The following KRT85 variants were observed in gnomAD, a reference collection of about 807,000 sequenced individuals.
KRT85 encodes the protein keratin 85.
KRT85 carries 39 observed loss-of-function variants against 53.7 expected under a neutral mutation model. The ratio of observed to expected loss-of-function variants is 0.73; its 90% CI spans 0.56 to 0.95. The LOEUF (loss-of-function observed/expected upper bound fraction) is 0.95. Ranked by LOEUF, KRT85 falls within the 40% of genes least tolerant of loss-of-function variation. The pLI is 0.00. For synonymous variants in KRT85, 291 were observed against 277.5 expected, an observed-to-expected ratio of 1.05 and a Z score of -0.48; for missense variants, 668 against 686.0, an observed-to-expected ratio of 0.97 and a Z score of 0.29.
Position 52,367,300 on chromosome 12 carries a change from C to T in KRT85, c.106G>A (p.Ala36Thr), listed in dbSNP as rs1206595039. 6.2e-7 allele frequency: 1 copy of T among 1,613,494 alleles called. No homozygotes were observed. Among genetic ancestry groups the T allele is most frequent in the Admixed American group, 1.7e-5 (1 of 59,994 alleles). The part of the protein sequence containing the change: ...PKTGNRCCIS[A>T]APYRGVSCYR... The stretch of plus-strand genomic sequence containing the variant: ...CAGGACACCCCTCGGTAGGGGGCGG[C>T]GCTGATGCAGCAGCGGTTGCCAGTT... Residue 36 changes from alanine (A) to threonine (T), a missense_variant, in exon 1 of 9, where the codon GCC (alanine) becomes ACC (threonine). Transcript: ENST00000257901.
chr12:52,361,145 A>C, intron 8 of KRT85, 99 bp from the exon 9 acceptor site: 1 of 1,070,130 alleles, frequency 9.3e-7, no homozygotes, highest in East Asian at 2.6e-5. Context: ...TCCCTCTCCA[A>C]GGAATTGGTG....
intron 8 of KRT85, 133 bp downstream of exon 8, chr12:52,361,334 T>A: frequency 1.2e-6 from 1 of 863,388 alleles, no homozygotes; most frequent in South Asian, 1.4e-5. Context: ...ACACCTGTCA[T>A]GGCCCCCACT....
chr12:52,360,753 A>C lies in KRT85; in HGVS notation c.*100T>G, dbSNP rs1939177295. 1.5e-6 allele frequency: 2 copies of C among 1,332,464 alleles called. No individual in the cohort carries two copies. The highest frequency in any genetic ancestry group is 3.4e-5 in the Admixed American group (2 of 59,538). The allele number at this position is 1,332,464 out of a possible 1,614,324, so 82.5% of individuals were successfully genotyped here. A position where few individuals can be genotyped will look rare whatever the true frequency, so the allele number is the denominator to read the frequency against. ...CTTTCCCTCTGTAGGAACATCCAGA[A>C]GATTCTGGAAGCAAGCACACATTTT... is the stretch of plus-strand genomic sequence containing the variant. On this transcript the variant is annotated 3_prime_UTR_variant, in exon 9 of 9. Coordinates refer to ENST00000257901, the MANE Select transcript of KRT85 (RefSeq NM_002283.4).
Position 52,367,347 on chromosome 12 carries a change from G to A in KRT85, c.59C>T (p.Ser20Phe). The change falls in exon 1 of 9, where the codon TCC becomes TTC. Residue 20 changes from serine to phenylalanine, a missense_variant. By Grantham distance (155) the Ser-to-Phe change is radical. Around this residue, in one of 3 missense-constraint regions of KRT85, gnomAD observed 158 missense variants for 141.8 expected, o/e 1.11. Transcript: ENST00000257901. ...SGCGVTRNFSSCSAVAPKTGN... is the reference protein window; with the variant it reads ...SGCGVTRNFSFCSAVAPKTGN... ...AGTTTTGGGGGCCACAGCTGAGCAG[G>A]AGCTGAAGTTCCTGGTGACCCCGCA... The A allele has an allele frequency of 3.7e-6, 6 of 1,614,144 alleles. No individual in the cohort carries two copies. Among genetic ancestry groups the A allele is most frequent in the Non-Finnish European group, 5.1e-6 (6 of 1,180,030 alleles).
At position 52,362,939 on chromosome 12, in the gene KRT85, G is replaced by T. The variant is rs745916213; in HGVS notation, c.992C>A (p.Thr331Asn). The T allele has an allele frequency of 2.3e-5, 37 of 1,614,004 alleles. 1 individual carries two copies. The South Asian group carries it at 4.0e-4, about 17-fold the overall frequency. ...MKATVIRHGE[T>N]LRRTKEEINE... ...GATCTCCTCCTTGGTGCGGCGCAGGGTCTCCCCATGCCTGATCACCGTGGC... is the reference window on the plus strand; with the variant it reads ...GATCTCCTCCTTGGTGCGGCGCAGGTTCTCCCCATGCCTGATCACCGTGGC... Residue 331 changes from threonine (T) to asparagine (N), a missense_variant, in exon 6 of 9, where the codon ACC becomes AAC. Thr to Asn is a moderately conservative substitution (Grantham distance 65, BLOSUM62 0). Transcript: ENST00000257901.
intron 1 of KRT85, 139 bp from the exon 2 acceptor site, chr12:52,365,309 C>T: frequency 2.2e-6 from 2 of 902,244 alleles, no homozygotes; most frequent in Admixed American, 2.0e-5. Context: ...GGGCCCATTC[C>T]CAGGCCCCCA....
At position 52,361,981 on chromosome 12, in the gene KRT85, A is replaced by G. The variant is rs545957650; in HGVS notation, c.1298+270T>C. On this transcript the variant is annotated intron_variant, in intron 7 of 8. Transcript: ENST00000257901. ...TCTTCTGCTTATTAACTGCGTAGCC[A>G]TGATAAAGGCACTGAATTCTGAGCC... 7.2e-5 allele frequency among the ~76,000 whole-genome samples: 11 copies of G among 152,334 alleles called. No individual in the cohort carries two copies. In the South Asian group the frequency reaches 2.1e-3, roughly 29 times the overall value.
At position 52,362,471 on chromosome 12, in the gene KRT85, G is replaced by A. The variant is rs138866569; in HGVS notation, c.1078C>T (p.Arg360Cys). 80 of 1,614,030 alleles carry A rather than the reference G, an allele frequency of 5.0e-5. No individual in the cohort carries two copies. The East Asian group carries it at 6.2e-4, about 13-fold the overall frequency. ...GCCACAGCAGCCTCCAGCTTGGCAC[G>A]CTATCAGGTGGAGATACAAGGGCCA... ...TAEIENAKCQ[R>C]AKLEAAVAEA... Residue 360 changes from arginine (R) to cysteine (C), a missense_variant and splice_region_variant, in exon 7 of 9, where the codon CGT (arginine) becomes TGT (cysteine). This residue lies in a region of KRT85 where 488 missense variants were observed against 498.1 expected (regional missense o/e 0.98). Coordinates refer to ENST00000257901, the MANE Select transcript of KRT85 (RefSeq NM_002283.4).
In KRT85 at chr12:52,367,322, A is replaced by G. The variant is rs577753199; in HGVS notation, c.84T>C (p.Thr28=). The change falls in exon 1 of 9, where the codon ACT becomes ACC. Residue 28 remains threonine, a synonymous_variant. Coordinates refer to ENST00000257901, the MANE Select transcript of KRT85 (RefSeq NM_002283.4). ...CGGCGCTGATGCAGCAGCGGTTGCCAGTTTTGGGGGCCACAGCTGAGCAGG... is the reference window on the plus strand; with the variant it reads ...CGGCGCTGATGCAGCAGCGGTTGCCGGTTTTGGGGGCCACAGCTGAGCAGG... ...FSSCSAVAPK[T]GNRCCISAAP... is the part of the protein sequence containing the mutation. 6.2e-6 allele frequency: 10 copies of G among 1,614,022 alleles called. No homozygotes were observed. In the African/African-American group the frequency reaches 1.3e-4, roughly 22 times the overall value.
chr12:52,362,497 G>A (rs1378703215), intron 6 of KRT85, 26 bp from the exon 7 acceptor site: 17 of 1,612,456 alleles, frequency 1.1e-5, no homozygotes, highest in Non-Finnish European at 1.4e-5. Context: ...ACAAGGGCCA[G>A]GATGAGAAAG....
In KRT85 at chr12:52,364,144, A is replaced by G. The variant is rs1939236899; in HGVS notation, c.710T>C (p.Leu237Pro). 6.2e-7 allele frequency: 1 copy of G among 1,614,008 alleles called. No individual in the cohort carries two copies. Among genetic ancestry groups the G allele is most frequent in the Admixed American group, 1.7e-5 (1 of 60,000 alleles). Residue 237 changes from leucine (L) to proline (P), a missense_variant, in exon 4 of 9, where the codon CTG becomes CCG. Around this residue, in one of 3 missense-constraint regions of KRT85, gnomAD observed 488 missense variants for 498.1 expected, o/e 0.98. Coordinates refer to ENST00000257901, the MANE Select transcript of KRT85 (RefSeq NM_002283.4). The part of the protein sequence containing the change: ...VLKKDVDCAY[L>P]RKSDLEANVE... The stretch of plus-strand genomic sequence containing the variant: ...ATTGGCCTCCAGGTCTGATTTCCGC[A>G]GGTAGGCACAGTCCACGTCCTGGCC...
rs908761590 is a variant in KRT85 at position 52,360,700 on chromosome 12, C to A, written c.*153G>T. 2 of 823,550 alleles carry A rather than the reference C, an allele frequency of 2.4e-6. No individual in the cohort carries two copies. Among genetic ancestry groups the A allele is most frequent in the Admixed American group, 2.1e-5 (1 of 48,618 alleles). 51.0% of individuals were successfully genotyped at this position (823,550 alleles called of 1,614,324 possible). A position where few individuals can be genotyped will look rare whatever the true frequency, so the allele number is the denominator to read the frequency against. ...CCTAGCATGAAAAGGCGCAGGGGAG[C>A]GGCCCGAGGGTCTTTCCCTCTGTAG... On this transcript the variant is annotated 3_prime_UTR_variant, in exon 9 of 9. Transcript: ENST00000257901.
intron 2 of KRT85, chr12:52,364,568 C>T: frequency 3.4e-6 from 5 of 1,458,750 alleles, no homozygotes; most frequent in Non-Finnish European, 4.5e-6. Flanking sequence ...GTCCTTCTGC[C>T]TCTGAGATGG....
intron 5 of KRT85, 67 bp downstream of exon 5, chr12:52,363,179 T>G (rs1939220087): frequency 6.2e-7 from 1 of 1,601,888 alleles, no homozygotes; most frequent in Non-Finnish European, 8.5e-7. Context: ...AGAGAAATCT[T>G]TTCTAATAGA....
Position 52,363,397 on chromosome 12 carries a change from A to G in KRT85, c.800T>C (p.Leu267Pro), listed in dbSNP as rs371939591. Reference protein sequence around the residue: ...RRLYEEEIRVLQAHISDTSVI... With the variant: ...RRLYEEEIRVPQAHISDTSVI... ...CGAGGTGTCTGAGATGTGGGCTTGGAGAACGCGGATCTCCTGTGGGGCCAA... is the reference window on the plus strand; with the variant it reads ...CGAGGTGTCTGAGATGTGGGCTTGGGGAACGCGGATCTCCTGTGGGGCCAA... Residue 267 changes from leucine (L) to proline (P), a missense_variant, in exon 5 of 9, where the codon CTC (leucine) becomes CCC (proline). Around this residue, in one of 3 missense-constraint regions of KRT85, gnomAD observed 488 missense variants for 498.1 expected, o/e 0.98. Coordinates refer to ENST00000257901, the MANE Select transcript of KRT85 (RefSeq NM_002283.4). 8 of 1,613,970 alleles carry G rather than the reference A, an allele frequency of 5.0e-6. No individual in the cohort carries two copies. In the African/African-American group the frequency reaches 1.1e-4, roughly 22 times the overall value.
rs763109691 is a variant in KRT85 at position 52,364,066 on chromosome 12, A to G, written c.786+2T>C. The G allele has an allele frequency of 1.2e-6, 2 of 1,612,018 alleles. No homozygotes were observed. The highest frequency in any genetic ancestry group is 1.7e-6 in the Non-Finnish European group (2 of 1,179,118). ...CTGGCTGGGTGGCAGTTGCCCCCTT[A>G]CCTCTTCATAGAGGCGCCTCAGGAA... On this transcript the variant is annotated splice_donor_variant, in intron 4 of 8. Transcript: ENST00000257901. LOFTEE classifies it high-confidence loss of function.
rs775754624 is a variant in KRT85, at chr12:52,365,049, C to T, written c.542G>A (p.Arg181Gln). ...GTCGGCCTCCACGCACTCGGCCTCC[C>T]GCCGCAGAGTCTCGATGTAGCCACT... Reference protein sequence around the residue: ...LFSGYIETLRREAECVEADSG... With the variant: ...LFSGYIETLRQEAECVEADSG... The change falls in exon 2 of 9, where the codon CGG (arginine) becomes CAG (glutamine). Residue 181 changes from arginine (R) to glutamine (Q), a missense_variant. Transcript: ENST00000257901. 73 of 1,613,538 alleles carry T rather than the reference C, an allele frequency of 4.5e-5. No homozygotes were observed. Among genetic ancestry groups the T allele is most frequent in the Non-Finnish European group, 5.7e-5 (67 of 1,180,050 alleles).
Position 52,367,310 on chromosome 12 carries a change from G to A in KRT85, c.96C>T (p.Cys32=), listed in dbSNP as rs1188852457. 1.2e-6 allele frequency: 2 copies of A among 1,613,858 alleles called. No individual in the cohort carries two copies. Among genetic ancestry groups the A allele is most frequent in the South Asian group, 1.1e-5 (1 of 91,070 alleles). ...CTCGGTAGGGGGCGGCGCTGATGCA[G>A]CAGCGGTTGCCAGTTTTGGGGGCCA... The part of the protein sequence containing the change: ...SAVAPKTGNR[C]CISAAPYRGV... Residue 32 remains cysteine, a synonymous_variant, in exon 1 of 9, where the codon TGC becomes TGT. Transcript: ENST00000257901.
chr12:52,365,295 C>G, intron 1 of KRT85, 125 bp from the exon 2 acceptor site: 2 of 1,041,024 alleles, frequency 1.9e-6, no homozygotes, highest in Non-Finnish European at 2.9e-6. Flanking sequence ...GTCTGCGGCT[C>G]AAGGGGCCCA....
Sources: gnomAD v4.1 joint callset for allele counts (sites outside exome capture counted in the v4.1 genomes callset) on GRCh38, gnomAD v4.1.1 for gene constraint, gnomAD v4.1.1 regional missense constraint, MANE v1.5 for transcripts, NCBI Gene and HGNC (gene_info 2026-07-23, HGNC 2026-07-21) for gene names.